Variants in ZNF736 observed in about 807,000 individuals in gnomAD.
The protein encoded by ZNF736 is zinc finger protein 736.
A neutral mutation model predicts 11.7 loss-of-function variants in ZNF736; 6 were observed. The observed-to-expected ratio is 0.51, with a 90% CI of 0.28 to 1.01. The LOEUF is 1.01. ZNF736 is among the 50% of genes least tolerant of loss of function. ZNF736 has a pLI of 0.09. For synonymous variants in ZNF736, 139 were observed against 164.7 expected, an observed-to-expected ratio of 0.84 and a Z score of 1.19; for missense variants, 444 against 496.0, an observed-to-expected ratio of 0.90 and a Z score of 1.00.
rs1789474381 is a variant in ZNF736 at position 64,350,732 on chromosome 7, TG to T, written c.*1587del. 6.6e-6 allele frequency: 1 copy of T among 152,038 alleles called. No individual in the cohort carries two copies. The highest frequency in any genetic ancestry group is 2.1e-4 in the South Asian group (1 of 4,806). 9.4% of individuals were successfully genotyped at this position (152,038 alleles called of 1,614,324 possible). On this transcript the variant is annotated 3_prime_UTR_variant, in exon 4 of 4. Coordinates refer to ENST00000423484, the MANE Select transcript of ZNF736 (RefSeq NM_001170905.3). ...TTGAGTATTTGATTGTGGTATAAGA[TG>T]GATGCAGCCAACAGGCTTTGTTCCT...
In ZNF736 at chr7:64,355,945, T is replaced by C. The variant is rs535853444; in HGVS notation, c.*6798T>C. 2 of 190,556 alleles carry C rather than the reference T, an allele frequency of 1.0e-5. No homozygotes were observed. The highest frequency in any genetic ancestry group is 2.3e-5 in the African/African-American group (1 of 42,658). 11.8% of individuals were successfully genotyped at this position (190,556 alleles called of 1,614,324 possible). On this transcript the variant is annotated 3_prime_UTR_variant, in exon 4 of 4. Transcript: ENST00000423484. Reference sequence around the variant, plus strand: ...GATCAGCCTTCAGTTCTGGGTTGATTTGGGGGCAATTGGATGATATATAGA... The same window carrying C: ...GATCAGCCTTCAGTTCTGGGTTGATCTGGGGGCAATTGGATGATATATAGA...
intron 3 of ZNF736, among the ~76,000 whole-genome samples, chr7:64,340,755 G>A (rs1449398223): frequency 6.6e-6 from 1 of 152,128 alleles, no homozygotes; most frequent in Non-Finnish European, 1.5e-5. Context: ...TTTTCTAGGG[G>A]TAATGAACAC....
intron 1 of ZNF736, among the ~76,000 whole-genome samples, chr7:64,316,145 A>G (rs1377334857): frequency 2.0e-5 from 3 of 152,196 alleles, no homozygotes; most frequent in Admixed American, 6.5e-5. Context: ...TATCTCTTGG[A>G]GTGTCTAGCA....
chr7:64,329,190 G>A (rs1789123567), intron 1 of ZNF736, among the ~76,000 whole-genome samples: 1 of 151,360 alleles, frequency 6.6e-6, no homozygotes, highest in South Asian at 2.1e-4. Flanking sequence ...ATTTTGCTGA[G>A]CTTTTTTGAA....
chr7:64,356,175 C>T lies in ZNF736; in HGVS notation c.*7028C>T, dbSNP rs1267597133. 2.0e-5 allele frequency: 3 copies of T among 152,206 alleles called. No individual in the cohort carries two copies. Among genetic ancestry groups the T allele is most frequent in the Admixed American group, 1.3e-4 (2 of 15,282 alleles). The allele number at this position is 152,206 out of a possible 1,614,324, so 9.4% of individuals were successfully genotyped here. ...AAGCAGATTCTGAACGTCTTAAAAT[C>T]TGTTCATTATCAGATGCTGAAAGAT... On this transcript the variant is annotated 3_prime_UTR_variant, in exon 4 of 4. Coordinates refer to ENST00000423484, the MANE Select transcript of ZNF736 (RefSeq NM_001170905.3).
chr7:64,330,614 T>C (rs1789151612), intron 1 of ZNF736, among the ~76,000 whole-genome samples: 1 of 152,114 alleles, frequency 6.6e-6, no homozygotes, highest in Non-Finnish European at 1.5e-5. Flanking sequence ...CTTCCCTCTC[T>C]TTTCCTCAAG....
At chr7:64,319,482 T>C (rs1788971150) in intron 1 of ZNF736, among the ~76,000 whole-genome samples, 1 of 128,272 alleles carries the variant, frequency 7.8e-6, no homozygotes, top group Non-Finnish European at 1.6e-5. Context: ...TAGAAAACAT[T>C]TCTTCCCTTT....
At chr7:64,323,374 T>C (rs1480344719) in intron 1 of ZNF736, among the ~76,000 whole-genome samples, 4 of 152,188 alleles carry the variant, frequency 2.6e-5, no homozygotes, top group Non-Finnish European at 1.5e-5. Flanking sequence ...TTCTGTGCTC[T>C]CAAAGTATGT....
intron 1 of ZNF736, among the ~76,000 whole-genome samples, chr7:64,327,401 G>A (rs141756332): frequency 1.9e-4 from 29 of 152,100 alleles, no homozygotes; most frequent in Non-Finnish European, 3.1e-4. Context: ...CAGTCTTTCT[G>A]TGTCTTCATA....
chr7:64,352,472 AC>A lies in ZNF736; in HGVS notation c.*3330del, dbSNP rs1396528475. 1 of 152,064 alleles carries A rather than the reference AC, an allele frequency of 6.6e-6. No individual in the cohort carries two copies. The highest frequency in any genetic ancestry group is 1.5e-5 in the Non-Finnish European group (1 of 68,044). 9.4% of individuals were successfully genotyped at this position (152,064 alleles called of 1,614,324 possible). ...TCTGCTATTCAGAGGTACCACTTCC[AC>A]CCCCAGTTTATTTGGATTCTCCAAA... On this transcript the variant is annotated 3_prime_UTR_variant, in exon 4 of 4. Coordinates refer to ENST00000423484, the MANE Select transcript of ZNF736 (RefSeq NM_001170905.3).
chr7:64,329,133 A>G (rs1382231164), intron 1 of ZNF736, among the ~76,000 whole-genome samples: 1 of 151,282 alleles, frequency 6.6e-6, no homozygotes, highest in African/African-American at 2.4e-5. Context: ...ATTTTATTGG[A>G]TCCAGATTCT....
At chr7:64,325,093 C>T (rs1426756645) in intron 1 of ZNF736, among the ~76,000 whole-genome samples, 2 of 152,046 alleles carry the variant, frequency 1.3e-5, no homozygotes, top group East Asian at 3.9e-4. Context: ...TCCCTCTTAC[C>T]TATGGCTATT....
At position 64,314,009 on chromosome 7, in the gene ZNF736, T is replaced by G; in HGVS notation, c.-142T>G. ...CCTTTGTCTCCTAGCTTCCGGGCTC[T>G]GATCCTAGTTCGCGTCTCCACTGTT... On this transcript the variant is annotated 5_prime_UTR_variant, in exon 1 of 4. Transcript: ENST00000423484. 1 of 1,180,488 alleles carries G rather than the reference T, an allele frequency of 8.5e-7. No homozygotes were observed. 73.1% of individuals were successfully genotyped at this position (1,180,488 alleles called of 1,614,324 possible). A position where few individuals can be genotyped will look rare whatever the true frequency, so the allele number is the denominator to read the frequency against.
intron 3 of ZNF736, among the ~76,000 whole-genome samples, chr7:64,341,167 GTTTC>G (rs1562674872): frequency 6.6e-6 from 1 of 151,598 alleles, no homozygotes; most frequent in Non-Finnish European, 1.5e-5. Context: ...ATTTCTACTG[GTTTC>G]TTTTTTTAAA....
chr7:64,346,682 T>C (rs1043906968), intron 3 of ZNF736, among the ~76,000 whole-genome samples: 3 of 152,122 alleles, frequency 2.0e-5, no homozygotes, highest in Non-Finnish European at 4.4e-5. Context: ...CTTTGTGTTA[T>C]CTTAGTTGAA....
intron 3 of ZNF736, chr7:64,337,304 G>A: frequency 3.2e-6 from 1 of 308,628 alleles, no homozygotes; most frequent in Non-Finnish European, 6.0e-6. Flanking sequence ...CTTTTCCATT[G>A]CTTTGGGGAA....
intron 3 of ZNF736, among the ~76,000 whole-genome samples, chr7:64,346,728 C>G (rs1411607670): frequency 1.3e-5 from 2 of 151,908 alleles, no homozygotes; most frequent in African/African-American, 2.4e-5. Flanking sequence ...ATATTTTTTA[C>G]TAATGTTGAA....
chr7:64,329,159 CT>C lies in ZNF736; in HGVS notation c.4-7090del, dbSNP rs140270861. ...TCCAGATTCTGAATTTCTTTTTCTTCTTTTTTTTTTGTTATTTTGAATTTTG... is the reference window on the plus strand; with the variant it reads ...TCCAGATTCTGAATTTCTTTTTCTTCTTTTTTTTTGTTATTTTGAATTTTG... On this transcript the variant is annotated intron_variant, in intron 1 of 3. Coordinates refer to ENST00000423484, the MANE Select transcript of ZNF736 (RefSeq NM_001170905.3). Among the ~76,000 whole-genome samples the C allele has an allele frequency of 3.9e-3, 577 of 148,322 alleles. 4 individuals are homozygous for C. Among genetic ancestry groups the C allele is most frequent in the African/African-American group, 0.013 (537 of 39,848 alleles).
chr7:64,327,724 G>C (rs576505976), intron 1 of ZNF736, among the ~76,000 whole-genome samples: 84 of 151,964 alleles, frequency 5.5e-4, no homozygotes, highest in African/African-American at 1.8e-3. Context: ...TTTTATTTGA[G>C]GTTACCATGA....
Sources: gnomAD v4.1 joint callset for allele counts (sites outside exome capture counted in the v4.1 genomes callset) on GRCh38, gnomAD v4.1.1 for gene constraint, MANE v1.5 for transcripts, NCBI Gene and HGNC (gene_info 2026-07-23, HGNC 2026-07-21) for gene names.